CACNA1C: variants seen among roughly 807,000 people sequenced by gnomAD.
CACNA1C encodes calcium voltage-gated channel subunit alpha1 C.
CACNA1C carries 30 observed loss-of-function variants against 229.0 expected under a neutral mutation model. The observed-to-expected ratio is 0.13, with a 90% CI of 0.10 to 0.18. The LOEUF is 0.18. CACNA1C is among the 10% of genes least tolerant of loss of function. CACNA1C has a pLI of 1.00. For missense variants in CACNA1C, 1,658 were observed against 2,845.0 expected (o/e 0.58, Z 9.49); for synonymous variants, 1,114 against 1,132.5 (o/e 0.98, Z 0.33).
At chr12:2,180,653 T>C (rs1336106983) in intron 3 of CACNA1C, among the ~76,000 whole-genome samples, 2 of 152,156 alleles carry the variant, frequency 1.3e-5, no homozygotes, top group African/African-American at 4.8e-5. Flanking sequence ...TTTTTGCTGA[T>C]AGGGAGGCCG....
At chr12:2,621,879 A>T (rs2083443016) in intron 29 of CACNA1C, among the ~76,000 whole-genome samples, 1 of 152,182 alleles carries the variant, frequency 6.6e-6, no homozygotes, top group Non-Finnish European at 1.5e-5. Context: ...AGGCTGTGAA[A>T]ATCTGGAATT....
intron 3 of CACNA1C, among the ~76,000 whole-genome samples, chr12:2,401,104 CTGGA>C (rs1327790930): frequency 3.9e-5 from 6 of 152,220 alleles, no homozygotes; most frequent in African/African-American, 1.4e-4. Context: ...CTCAGAATAA[CTGGA>C]TGGCTCTTAG....
In CACNA1C at chr12:2,095,108, C is replaced by G. The variant is rs532163861; in HGVS notation, c.50-20116C>G. Among the ~76,000 whole-genome samples the G allele has an allele frequency of 8.2e-4, 125 of 152,268 alleles. 1 individual carries two copies. The highest frequency in any genetic ancestry group is 2.8e-3 in the African/African-American group (116 of 41,542). ...TACAGACGGGAACTTAGGGCTCCTG[C>G]TTTTGCTGTTAACCACCAGATCACA... On this transcript the variant is annotated intron_variant, in intron 1 of 46. Transcript: ENST00000399655.
In CACNA1C at chr12:2,181,841, G is replaced by A. The variant is rs1203348214; in HGVS notation, c.477+61411G>A. ...AAGTAATGGACTGCAAGGACACTCT[G>A]TCTCTGGCCCAGAGGAACAGCTGGA... On this transcript the variant is annotated intron_variant, in intron 3 of 46. Coordinates refer to ENST00000399655, the MANE Select transcript of CACNA1C (RefSeq NM_000719.7). The surrounding 1 kb of genome is among the most constrained non-coding windows in gnomAD (Gnocchi z 4.0). Among the ~76,000 whole-genome samples, 2 of 152,112 alleles carry A rather than the reference G, an allele frequency of 1.3e-5. No individual in the cohort carries two copies. The highest frequency in any genetic ancestry group is 4.8e-5 in the African/African-American group (2 of 41,420).
chr12:1,994,282 A>G (rs2040260267), intron 1 of CACNA1C, among the ~76,000 whole-genome samples: 1 of 152,248 alleles, frequency 6.6e-6, no homozygotes, highest in South Asian at 2.1e-4. Flanking sequence ...ACTTTAAATG[A>G]GGGTGCTAGG....
rs185440386 is a variant in CACNA1C, at chr12:2,547,713, C to T, written c.1391-2230C>T. 8.6e-4 allele frequency among the ~76,000 whole-genome samples: 131 copies of T among 152,266 alleles called. 2 individuals carry two copies. The highest frequency in any genetic ancestry group is 2.8e-3 in the African/African-American group (118 of 41,538). On this transcript the variant is annotated intron_variant, in intron 9 of 46. Coordinates refer to ENST00000399655, the MANE Select transcript of CACNA1C (RefSeq NM_000719.7). ...AACCTGTCCCCCTCAAAGCCACTGC[C>T]TTATCATTGCTTCATATGTGTAAAG...
intron 3 of CACNA1C, among the ~76,000 whole-genome samples, chr12:2,264,778 A>C (rs1034932830): frequency 6.6e-6 from 1 of 152,228 alleles, no homozygotes; most frequent in African/African-American, 2.4e-5. Flanking sequence ...TATCTTGCTT[A>C]AAATTGATGG....
intron 2 of CACNA1C, 88 bp from the exon 3 acceptor site, chr12:2,120,237 A>G (rs1311227458): frequency 2.5e-6 from 2 of 794,990 alleles, no homozygotes; most frequent in Non-Finnish European, 4.5e-6. Context: ...ATTCTTATGA[A>G]TCTTTGATTC....
intron 9 of CACNA1C, among the ~76,000 whole-genome samples, chr12:2,523,758 G>T (rs993612551): frequency 1.3e-5 from 2 of 152,156 alleles, no homozygotes; most frequent in Non-Finnish European, 2.9e-5. Context: ...ATACACTTGG[G>T]CGTTAAAGTA....
intron 3 of CACNA1C, among the ~76,000 whole-genome samples, chr12:2,316,053 C>T (rs1208564492): frequency 6.6e-6 from 1 of 152,232 alleles, no homozygotes; most frequent in African/African-American, 2.4e-5. Flanking sequence ...TGCCAGAGGG[C>T]AGCACCTTCA....
intron 1 of CACNA1C, among the ~76,000 whole-genome samples, chr12:2,031,880 C>A (rs1299542748): frequency 3.3e-5 from 5 of 152,234 alleles, no homozygotes; most frequent in African/African-American, 1.2e-4. Flanking sequence ...AGAGAGAGGG[C>A]AGCTGTGGGC....
intron 3 of CACNA1C, among the ~76,000 whole-genome samples, chr12:2,321,982 A>C (rs532984155): frequency 1.3e-5 from 2 of 152,366 alleles, no homozygotes; most frequent in African/African-American, 4.8e-5. Context: ...GGTGTCCCAG[A>C]TTAGCCTGAT....
At chr12:2,000,569 C>A (rs1593404232) in intron 1 of CACNA1C, among the ~76,000 whole-genome samples, 1 of 151,776 alleles carries the variant, frequency 6.6e-6, no homozygotes, top group African/African-American at 2.4e-5. Context: ...TAACTTATAA[C>A]AAGTAATTCT....
rs373588689 is a variant in CACNA1C, at chr12:2,512,361, G to A, written c.1218-451G>A. Among the ~76,000 whole-genome samples the A allele has an allele frequency of 2.6e-5, 4 of 152,122 alleles. No individual in the cohort carries two copies. The South Asian group carries it at 6.2e-4, about 24-fold the overall frequency. On this transcript the variant is annotated intron_variant, in intron 8 of 46. Coordinates refer to ENST00000399655, the MANE Select transcript of CACNA1C (RefSeq NM_000719.7). The surrounding 1 kb of genome is among the most constrained non-coding windows in gnomAD (Gnocchi z 4.3). ...GGTACACTGCCGGTCCTAAAACCTT[G>A]TGTCACCTGGAGACCCTTGGGAGAA...
intron 3 of CACNA1C, among the ~76,000 whole-genome samples, chr12:2,364,334 A>G (rs1194059519): frequency 6.6e-6 from 1 of 152,210 alleles, no homozygotes; most frequent in African/African-American, 2.4e-5. Flanking sequence ...AAGACCTGGC[A>G]GTGGCAGTAA....
intron 6 of CACNA1C, among the ~76,000 whole-genome samples, chr12:2,487,340 A>T (rs1411416249): frequency 1.3e-5 from 2 of 151,118 alleles, no homozygotes; most frequent in Non-Finnish European, 2.9e-5. Context: ...CACTCAGTTA[A>T]ATGGGACCTC....
rs897855773 is a variant in CACNA1C at position 2,403,220 on chromosome 12, C to T, written c.478-45756C>T. Among the ~76,000 whole-genome samples the T allele has an allele frequency of 3.3e-5, 5 of 152,142 alleles. No individual in the cohort carries two copies. Among genetic ancestry groups the T allele is most frequent in the African/African-American group, 1.2e-4 (5 of 41,416 alleles). On this transcript the variant is annotated intron_variant, in intron 3 of 46. Transcript: ENST00000399655. This position sits in a 1 kb window ranked among gnomAD's most constrained non-coding sequence, Gnocchi z 4.1. ...TCCAACTAGTGTCTCGCTGCCCTGC[C>T]CCAAAATCAAGGTGAAGCAGATACT...
chr12:2,375,783 A>G (rs2098036831), intron 3 of CACNA1C, among the ~76,000 whole-genome samples: 2 of 152,220 alleles, frequency 1.3e-5, no homozygotes, highest in South Asian at 4.1e-4. Context: ...TGTTGATATA[A>G]TCCATGGAGA....
In CACNA1C at chr12:2,595,904, T is replaced by C. The variant is rs2153363748; in HGVS notation, c.2694T>C (p.Asn898=). 1 of 1,613,744 alleles carries C rather than the reference T, an allele frequency of 6.2e-7. No homozygotes were observed. Among genetic ancestry groups the C allele is most frequent in the Non-Finnish European group, 8.5e-7 (1 of 1,179,820 alleles). Residue 898 remains asparagine, a synonymous_variant, in exon 20 of 47, where the codon AAT becomes AAC. Transcript: ENST00000399655. The surrounding 1 kb of genome is among the most constrained non-coding windows in gnomAD (Gnocchi z 4.1). ...RFRLQCHRIV[N]DTIFTNLILF... ...GCCTCCAGTGCCACCGCATTGTCAA[T>C]GACACGATCTTCACCAACCTGATCC...
Sources: gnomAD v4.1 joint callset for allele counts (sites outside exome capture counted in the v4.1 genomes callset) on GRCh38, gnomAD v4.1.1 for gene constraint, Gnocchi (gnomAD v3.1) non-coding constraint, MANE v1.5 for transcripts, NCBI Gene and HGNC (gene_info 2026-07-23, HGNC 2026-07-21) for gene names.